Variants in MED27 observed in about 807,000 individuals in gnomAD.
MED27 encodes the protein mediator of RNA polymerase II transcription subunit 27.
In MED27, 30 loss-of-function variants were observed where a neutral mutation model predicts 38.2. That is an observed-to-expected ratio of 0.79 (90% CI 0.59 to 1.07). MED27 has a LOEUF of 1.07. Ranked by LOEUF, MED27 falls within the 50% of genes least tolerant of loss-of-function variation. The pLI, the probability that MED27 is intolerant of heterozygous loss-of-function variation, is 0.00. For synonymous variants in MED27, 122 were observed against 153.5 expected, an observed-to-expected ratio of 0.79 and a Z score of 1.52; for missense variants, 289 against 397.5, an observed-to-expected ratio of 0.73 and a Z score of 2.32.
chr9:131,968,722 C>A (rs2131010169), intron 3 of MED27, among the ~76,000 whole-genome samples: 1 of 152,288 alleles, frequency 6.6e-6, no homozygotes, highest in Admixed American at 6.5e-5. Flanking sequence ...GAGCAGGAGT[C>A]TCCAACCCCT....
At chr9:132,045,024 A>G (rs1174322525) in intron 2 of MED27, among the ~76,000 whole-genome samples, 3 of 152,236 alleles carry the variant, frequency 2.0e-5, no homozygotes, top group Non-Finnish European at 2.9e-5. Context: ...TCAAAGAGAC[A>G]GGTGAAAAGA....
intron 6 of MED27, chr9:131,869,284 C>T (rs544529130): frequency 1.8e-5 from 18 of 985,300 alleles, no homozygotes; most frequent in South Asian, 9.4e-5. Context: ...AGTGATCTTC[C>T]GTCTTGTCAA....
rs1034884349 is a variant in MED27 at position 131,862,267 on chromosome 9, G to A, written c.801+796C>T. ...GGTCTTTGGAGTCGGTTCTCTAACC[G>A]GCAGACTTTCTAGCATGAAGAAAAC... On this transcript the variant is annotated intron_variant, in intron 7 of 7. Transcript: ENST00000292035. The surrounding 1 kb of genome is among the most constrained non-coding windows in gnomAD (Gnocchi z 4.6). 3.3e-5 allele frequency among the ~76,000 whole-genome samples: 5 copies of A among 152,144 alleles called. No individual in the cohort carries two copies. The highest frequency in any genetic ancestry group is 2.1e-4 in the South Asian group (1 of 4,828).
intron 3 of MED27, among the ~76,000 whole-genome samples, chr9:131,994,563 T>C (rs1326570151): frequency 1.3e-5 from 2 of 152,242 alleles, no homozygotes; most frequent in Non-Finnish European, 2.9e-5. Context: ...GCGAGCTCAA[T>C]CAGGCAGGGA....
chr9:132,053,979 TAAAAC>T (rs1356874376), intron 2 of MED27, among the ~76,000 whole-genome samples: 1 of 151,830 alleles, frequency 6.6e-6, no homozygotes, highest in Non-Finnish European at 1.5e-5. Flanking sequence ...ATTTCCTTCT[TAAAAC>T]AAATGTATTC....
At chr9:132,018,725 T>C (rs1832654579) in intron 2 of MED27, among the ~76,000 whole-genome samples, 1 of 152,154 alleles carries the variant, frequency 6.6e-6, no homozygotes, top group African/African-American at 2.4e-5. Flanking sequence ...ACCCTTGCCA[T>C]CTGGCCCGAA....
chr9:132,054,105 G>A (rs1382564627), intron 2 of MED27, among the ~76,000 whole-genome samples: 1 of 152,156 alleles, frequency 6.6e-6, no homozygotes, highest in Non-Finnish European at 1.5e-5. Flanking sequence ...ATATAGTTTG[G>A]ATATTTGTTC....
At chr9:131,899,378 C>T (rs1829889411) in intron 4 of MED27, among the ~76,000 whole-genome samples, 2 of 152,218 alleles carry the variant, frequency 1.3e-5, no homozygotes, top group African/African-American at 4.8e-5. Flanking sequence ...AAAGTGCCTG[C>T]AAGCCTGAGG....
chr9:131,910,919 C>CA (rs1295303166), intron 4 of MED27, among the ~76,000 whole-genome samples: 2 of 152,138 alleles, frequency 1.3e-5, no homozygotes, highest in African/African-American at 4.8e-5. Flanking sequence ...CCCCACCCCC[C>CA]ACAACCACCA....
chr9:131,963,182 T>C (rs917196292), intron 3 of MED27, among the ~76,000 whole-genome samples: 1 of 152,260 alleles, frequency 6.6e-6, no homozygotes, highest in South Asian at 2.1e-4. Flanking sequence ...ATTTTTACAG[T>C]GTTCAGGGAT....
At chr9:132,033,383 C>A (rs1833005724) in intron 2 of MED27, among the ~76,000 whole-genome samples, 1 of 152,222 alleles carries the variant, frequency 6.6e-6, no homozygotes, top group Admixed American at 6.5e-5. Context: ...GCTCAAAAAG[C>A]ACCATTAAAA....
chr9:131,900,575 C>A (rs1395333919), intron 4 of MED27, among the ~76,000 whole-genome samples: 1 of 151,604 alleles, frequency 6.6e-6, no homozygotes, highest in African/African-American at 2.4e-5. Context: ...TGAAACTGAG[C>A]GGTATCTGCA....
chr9:131,973,865 G>T (rs567802504), intron 3 of MED27, among the ~76,000 whole-genome samples: 1 of 150,896 alleles, frequency 6.6e-6, no homozygotes, highest in African/African-American at 2.4e-5. Flanking sequence ...CCGCCACCAC[G>T]CGCGGCTGAT....
chr9:131,987,688 T>C (rs1831883999), intron 3 of MED27, among the ~76,000 whole-genome samples: 2 of 152,220 alleles, frequency 1.3e-5, no homozygotes, highest in African/African-American at 4.8e-5. Flanking sequence ...TTACATTATC[T>C]TAGCTGTCAG....
chr9:131,982,543 T>C lies in MED27; in HGVS notation c.479+31794A>G, dbSNP rs1305477155. On this transcript the variant is annotated intron_variant, in intron 3 of 7. Coordinates refer to ENST00000292035, the MANE Select transcript of MED27 (RefSeq NM_004269.4). This position sits in a 1 kb window ranked among gnomAD's most constrained non-coding sequence, Gnocchi z 4.3. ...CAGACGATAAATGATTCAACATGTA[T>C]GGCCTCATTTATTCTCATGACTACC... 6.6e-6 allele frequency among the ~76,000 whole-genome samples: 1 copy of C among 152,240 alleles called. No individual in the cohort carries two copies. Among genetic ancestry groups the C allele is most frequent in the Admixed American group, 6.5e-5 (1 of 15,290 alleles).
intron 3 of MED27, among the ~76,000 whole-genome samples, chr9:131,966,218 AAAC>A (rs1163985377): frequency 4.9e-5 from 7 of 141,858 alleles, no homozygotes; most frequent in Admixed American, 2.1e-4. Context: ...AAAAAAAACA[AAAC>A]AAAACCAAAA....
intron 3 of MED27, among the ~76,000 whole-genome samples, chr9:131,999,204 A>G (rs1832165580): frequency 6.6e-6 from 1 of 152,178 alleles, no homozygotes; most frequent in South Asian, 2.1e-4. Flanking sequence ...TCTTTGCCGG[A>G]GCCCCAAAAC....
At chr9:132,008,025 A>G (rs1832395045) in intron 3 of MED27, among the ~76,000 whole-genome samples, 1 of 152,204 alleles carries the variant, frequency 6.6e-6, no homozygotes, top group South Asian at 2.1e-4. Context: ...AAACCTAAAT[A>G]AGATCTCGGT....
At chr9:132,072,496 G>A (rs2131167764) in intron 2 of MED27, among the ~76,000 whole-genome samples, 1 of 152,160 alleles carries the variant, frequency 6.6e-6, no homozygotes, top group Non-Finnish European at 1.5e-5. Flanking sequence ...CAGGAGACTG[G>A]CTGTATTTCA....
Sources: allele counts gnomAD v4.1 joint callset (sites outside exome capture counted in the v4.1 genomes callset), GRCh38; gene constraint gnomAD v4.1.1; non-coding constraint Gnocchi (gnomAD v3.1); transcripts MANE v1.5; gene names NCBI Gene and HGNC (gene_info 2026-07-23, HGNC 2026-07-21).